Variants in ST8SIA2 observed in about 807,000 individuals in gnomAD.
ST8SIA2 encodes the protein alpha-2,8-sialyltransferase 8B.
A neutral mutation model predicts 37.6 loss-of-function variants in ST8SIA2; 22 were observed. The observed-to-expected ratio is 0.58, with a 90% CI of 0.42 to 0.83. The LOEUF is 0.83. ST8SIA2 is among the 40% of genes least tolerant of loss of function. The probability of loss-of-function intolerance (pLI) is 0.00; values close to 1 mark genes in which losing one functional copy is unlikely to be tolerated. For missense variants in ST8SIA2, 382 were observed against 484.7 expected, an observed-to-expected ratio of 0.79 and a Z score of 1.99; for synonymous variants, 205 against 201.2, an observed-to-expected ratio of 1.02 and a Z score of -0.16.
At chr15:92,459,188 A>G (rs1395611503) in intron 5 of ST8SIA2, among the ~76,000 whole-genome samples, 1 of 152,206 alleles carries the variant, frequency 6.6e-6, no homozygotes, top group Non-Finnish European at 1.5e-5. Context: ...GCCTTCCCCT[A>G]CTAAGACCTT....
chr15:92,441,368 G>A (rs1442195594), intron 4 of ST8SIA2, among the ~76,000 whole-genome samples: 1 of 152,190 alleles, frequency 6.6e-6, no homozygotes, highest in Non-Finnish European at 1.5e-5. Flanking sequence ...AGAGGGGTGT[G>A]GAAGCAAGAA....
intron 1 of ST8SIA2, among the ~76,000 whole-genome samples, chr15:92,418,458 C>A (rs12592918): frequency 1 from 138,445 of 138,648 alleles, 69,121 homozygotes; most frequent in Middle Eastern, 1. Context: ...GTGAGACCCT[C>A]CCTCAAAAAA....
chr15:92,461,114 G>A (rs1382182445), intron 5 of ST8SIA2, among the ~76,000 whole-genome samples: 1 of 152,086 alleles, frequency 6.6e-6, no homozygotes, highest in Non-Finnish European at 1.5e-5. Context: ...ACATGGGCCA[G>A]TTATCTAATA....
intron 5 of ST8SIA2, among the ~76,000 whole-genome samples, chr15:92,455,299 G>A (rs2141847840): frequency 6.6e-6 from 1 of 152,276 alleles, no homozygotes; most frequent in East Asian, 1.9e-4. Flanking sequence ...GAAAAGGAGG[G>A]ACGTCTGTGA....
At chr15:92,443,133 A>G (rs6496939) in intron 4 of ST8SIA2, among the ~76,000 whole-genome samples, 52,654 of 152,104 alleles carry the variant, frequency 0.35, 9,652 homozygotes, top group East Asian at 0.7. Flanking sequence ...GGGAGGATAA[A>G]TGGTACGTTC....
chr15:92,400,979 G>C (rs2049465978), intron 1 of ST8SIA2, among the ~76,000 whole-genome samples: 11 of 152,190 alleles, frequency 7.2e-5, no homozygotes, highest in Admixed American at 7.2e-4. Context: ...GCACCTTCTA[G>C]TGGTGTTTTT....
chr15:92,396,639 A>G (rs1295397869), intron 1 of ST8SIA2, among the ~76,000 whole-genome samples: 3 of 151,844 alleles, frequency 2.0e-5, no homozygotes, highest in Non-Finnish European at 2.9e-5. Context: ...GATTACAGGC[A>G]CCTGCCACCA....
intron 4 of ST8SIA2, 119 bp from the exon 5 acceptor site, chr15:92,444,517 C>G: frequency 8.0e-7 from 1 of 1,246,470 alleles, no homozygotes; most frequent in South Asian, 1.3e-5. Flanking sequence ...GGAGAGATGC[C>G]CTGGGTCTTT....
chr15:92,394,192 G>T, intron 1 of ST8SIA2, 30 bp downstream of exon 1: 1 of 1,534,286 alleles, frequency 6.5e-7, no homozygotes, highest in South Asian at 1.2e-5. Flanking sequence ...CCCGTGCCAC[G>T]AGCCCTGGCG....
chr15:92,435,337 G>A (rs976352030), intron 3 of ST8SIA2, among the ~76,000 whole-genome samples: 4 of 152,184 alleles, frequency 2.6e-5, no homozygotes, highest in Admixed American at 6.5e-5. Context: ...GGGTTTTGAA[G>A]GATAATTAGG....
At chr15:92,408,246 G>A (rs1322730178) in intron 1 of ST8SIA2, among the ~76,000 whole-genome samples, 1 of 151,486 alleles carries the variant, frequency 6.6e-6, no homozygotes, top group Non-Finnish European at 1.5e-5. Flanking sequence ...GATGCCTTAG[G>A]CCCAAGAAGA....
rs146111885 is a variant in ST8SIA2, at chr15:92,438,503, G to A, written c.441G>A (p.Ser147=). The A allele has an allele frequency of 4.3e-4, 701 of 1,614,182 alleles. 1 individual carries two copies. The highest frequency in any genetic ancestry group is 5.4e-4 in the Non-Finnish European group (636 of 1,180,044). Reference sequence around the variant, plus strand: ...TCTACGAGCTCCTCCCCAGGACTTCGCCACTGAAGAATAAGCACTTTGGGA... The same window carrying A: ...TCTACGAGCTCCTCCCCAGGACTTCACCACTGAAGAATAAGCACTTTGGGA... ...QNLYELLPRT[S]PLKNKHFGTC... is the part of the protein sequence containing the mutation. Residue 147 remains serine, a synonymous_variant, in exon 4 of 6, where the codon TCG becomes TCA. Coordinates refer to ENST00000268164, the MANE Select transcript of ST8SIA2 (RefSeq NM_006011.4).
At chr15:92,454,639 G>A (rs974212195) in intron 5 of ST8SIA2, among the ~76,000 whole-genome samples, 4 of 151,664 alleles carry the variant, frequency 2.6e-5, no homozygotes, top group African/African-American at 7.3e-5. Flanking sequence ...CAAGCAGAAG[G>A]CCTGCCCTTC....
chr15:92,395,203 A>G (rs931341790), intron 1 of ST8SIA2, among the ~76,000 whole-genome samples: 5 of 152,178 alleles, frequency 3.3e-5, no homozygotes, highest in Admixed American at 3.3e-4. Context: ...GGCAAGGGGA[A>G]GGTGAGGTCT....
At chr15:92,463,538 A>G (rs994113741) in intron 5 of ST8SIA2, among the ~76,000 whole-genome samples, 1 of 151,946 alleles carries the variant, frequency 6.6e-6, no homozygotes, top group Non-Finnish European at 1.5e-5. Flanking sequence ...ACTCTTGGAA[A>G]GGCAGCAGGC....
At chr15:92,419,486 A>G (rs1444822298) in intron 1 of ST8SIA2, among the ~76,000 whole-genome samples, 3 of 152,204 alleles carry the variant, frequency 2.0e-5, no homozygotes. Flanking sequence ...ACAGCAACGC[A>G]GAGATGAGCA....
chr15:92,441,363 G>T (rs1326137793), intron 4 of ST8SIA2, among the ~76,000 whole-genome samples: 1 of 152,182 alleles, frequency 6.6e-6, no homozygotes, highest in Non-Finnish European at 1.5e-5. Context: ...CATGAAGAGG[G>T]GTGTGGAAGC....
At chr15:92,434,945 T>G (rs779874633) in intron 3 of ST8SIA2, among the ~76,000 whole-genome samples, 4 of 152,130 alleles carry the variant, frequency 2.6e-5, no homozygotes, top group African/African-American at 4.8e-5. Flanking sequence ...CTCGTCCTGA[T>G]CTGTGCAGAG....
At chr15:92,446,255 C>T (rs143521928) in intron 5 of ST8SIA2, among the ~76,000 whole-genome samples, 35 of 152,092 alleles carry the variant, frequency 2.3e-4, no homozygotes, top group African/African-American at 5.6e-4. Context: ...ATGATCTCTC[C>T]GCATGGGCTA....
Sources: allele counts gnomAD v4.1 joint callset (sites outside exome capture counted in the v4.1 genomes callset), GRCh38; gene constraint gnomAD v4.1.1; transcripts MANE v1.5; gene names NCBI Gene and HGNC (gene_info 2026-07-23, HGNC 2026-07-21).